Variants in PDE4B observed in about 807,000 individuals in gnomAD.
PDE4B encodes 3',5'-cyclic-AMP phosphodiesterase 4B.
In PDE4B, 20 loss-of-function variants were observed where a neutral mutation model predicts 82.2. The observed-to-expected ratio is 0.24, with a 90% CI of 0.17 to 0.35. The LOEUF (loss-of-function observed/expected upper bound fraction) is 0.35, where lower values mean the gene tolerates loss of function less well. Ranked by LOEUF, PDE4B falls within the 10% of genes least tolerant of loss-of-function variation. The pLI, the probability that PDE4B is intolerant of heterozygous loss-of-function variation, is 1.00. For synonymous variants in PDE4B, 320 were observed against 318.9 expected (o/e 1.00, Z -0.04); for missense variants, 655 against 907.2 (o/e 0.72, Z 3.57).
At chr1:65,851,453 C>G (rs1646332313) in intron 1 of PDE4B, among the ~76,000 whole-genome samples, 1 of 151,924 alleles carries the variant, frequency 6.6e-6, no homozygotes, top group Admixed American at 6.6e-5. Flanking sequence ...CAATCTTAGT[C>G]TTATGATTAA....
intron 7 of PDE4B, among the ~76,000 whole-genome samples, chr1:66,323,226 C>T (rs1184482808): frequency 6.6e-6 from 1 of 152,070 alleles, no homozygotes; most frequent in Non-Finnish European, 1.5e-5. Context: ...TCCCTGTCTG[C>T]GTTCATGAGC....
At chr1:65,996,899 G>T (rs1452636224) in intron 3 of PDE4B, among the ~76,000 whole-genome samples, 1 of 152,176 alleles carries the variant, frequency 6.6e-6, no homozygotes, top group African/African-American at 2.4e-5. Flanking sequence ...GGTCAGCATA[G>T]TATTTATCCC....
At chr1:66,355,898 A>G (rs1216859531) in intron 9 of PDE4B, among the ~76,000 whole-genome samples, 2 of 152,200 alleles carry the variant, frequency 1.3e-5, no homozygotes, top group Non-Finnish European at 2.9e-5. Context: ...CTGCCTGCCT[A>G]CTTCCATCTT....
intron 3 of PDE4B, among the ~76,000 whole-genome samples, chr1:65,997,677 A>T (rs1408434932): frequency 3.3e-5 from 5 of 152,180 alleles, no homozygotes; most frequent in African/African-American, 4.8e-5. Context: ...TTGATTCAAC[A>T]TTTGTTTGAA....
intron 7 of PDE4B, among the ~76,000 whole-genome samples, chr1:66,271,723 C>G (rs1655494237): frequency 6.6e-6 from 1 of 152,178 alleles, no homozygotes; most frequent in South Asian, 2.1e-4. Flanking sequence ...GCAAAAGCAT[C>G]TCCTGTAATT....
chr1:66,012,182 CT>C (rs1052871847), intron 3 of PDE4B, among the ~76,000 whole-genome samples: 6 of 152,056 alleles, frequency 3.9e-5, no homozygotes, highest in African/African-American at 1.4e-4. Flanking sequence ...GAAAGACAAT[CT>C]TTTAAGGAGT....
At chr1:66,134,007 A>G (rs1462313319) in intron 3 of PDE4B, among the ~76,000 whole-genome samples, 3 of 150,770 alleles carry the variant, frequency 2.0e-5, no homozygotes, top group African/African-American at 7.3e-5. Context: ...AGAGAAATGC[A>G]TAGGTTGCTA....
At chr1:66,073,844 G>A (rs930714593) in intron 3 of PDE4B, among the ~76,000 whole-genome samples, 2 of 152,000 alleles carry the variant, frequency 1.3e-5, no homozygotes, top group Non-Finnish European at 1.5e-5. Context: ...TCCTAGGAAG[G>A]GTGTGTGTAT....
chr1:66,074,054 C>A (rs965983455), intron 3 of PDE4B, among the ~76,000 whole-genome samples: 3 of 152,050 alleles, frequency 2.0e-5, no homozygotes, highest in Non-Finnish European at 4.4e-5. Flanking sequence ...CACTGTAATT[C>A]GATAGGTGGA....
chr1:66,354,396 C>T (rs757284187), intron 8 of PDE4B: 1 of 986,488 alleles, frequency 1.0e-6, no homozygotes, highest in African/African-American at 1.7e-5. Context: ...TAATCTTCTC[C>T]TTTTTAAAAG....
intron 3 of PDE4B, among the ~76,000 whole-genome samples, chr1:66,225,294 C>G (rs978773501): frequency 6.6e-6 from 1 of 152,220 alleles, no homozygotes; most frequent in African/African-American, 2.4e-5. Flanking sequence ...AGGCTTGGGT[C>G]TGCTACGCCC....
At chr1:65,897,470 C>T (rs1482568765) in intron 1 of PDE4B, among the ~76,000 whole-genome samples, 1 of 152,008 alleles carries the variant, frequency 6.6e-6, no homozygotes, top group Non-Finnish European at 1.5e-5. Flanking sequence ...TTCCATCTCT[C>T]AGGCAATAGG....
intron 3 of PDE4B, among the ~76,000 whole-genome samples, chr1:66,189,414 A>T (rs1054639129): frequency 1.3e-5 from 2 of 152,174 alleles, no homozygotes; most frequent in Non-Finnish European, 2.9e-5. Flanking sequence ...CCTGGATAAT[A>T]TCCTGCAGAG....
At chr1:65,902,567 G>A (rs569173105) in intron 1 of PDE4B, among the ~76,000 whole-genome samples, 1 of 152,194 alleles carries the variant, frequency 6.6e-6, no homozygotes, top group African/African-American at 2.4e-5. Context: ...ACCTTGTAAA[G>A]CATCTCTGTC....
intron 7 of PDE4B, among the ~76,000 whole-genome samples, chr1:66,300,257 G>T (rs1053934078): frequency 3.9e-5 from 6 of 152,130 alleles, no homozygotes; most frequent in Non-Finnish European, 7.4e-5. Flanking sequence ...ACTGATCATG[G>T]AAATGAATAT....
At chr1:66,358,083 A>C (rs745369418) in intron 9 of PDE4B, among the ~76,000 whole-genome samples, 1 of 152,230 alleles carries the variant, frequency 6.6e-6, no homozygotes, top group South Asian at 2.1e-4. Flanking sequence ...TCTGATCTGC[A>C]TGGGACCATA....
At chr1:66,172,717 T>C (rs960387886) in intron 3 of PDE4B, among the ~76,000 whole-genome samples, 60 of 152,232 alleles carry the variant, frequency 3.9e-4, no homozygotes, top group African/African-American at 1.4e-3. Context: ...TTGAGAAATT[T>C]TTAAAAGAAT....
intron 3 of PDE4B, among the ~76,000 whole-genome samples, chr1:66,007,472 CA>C (rs1652215851): frequency 6.6e-6 from 1 of 151,948 alleles, no homozygotes; most frequent in African/African-American, 2.4e-5. Flanking sequence ...CAAAACCAAA[CA>C]AATGAAAAAC....
At chr1:66,330,740 A>G (rs186907052) in intron 7 of PDE4B, 3 of 984,316 alleles carry the variant, frequency 3.0e-6, no homozygotes, top group African/African-American at 3.5e-5. Flanking sequence ...GGAAGCAAAC[A>G]GAGGAGGCAA....
Sources: allele counts gnomAD v4.1 joint callset (sites outside exome capture counted in the v4.1 genomes callset), GRCh38; gene constraint gnomAD v4.1.1; transcripts MANE v1.5; gene names NCBI Gene and HGNC (gene_info 2026-07-23, HGNC 2026-07-21).